RPAP2: variants seen among roughly 807,000 people sequenced by gnomAD.
RPAP2 encodes the protein RNA polymerase II associated protein 2.
RPAP2 carries 52 observed loss-of-function variants against 73.1 expected under a neutral mutation model. The observed-to-expected ratio is 0.71, with a 90% CI of 0.57 to 0.90. The LOEUF is 0.90. Ranked by LOEUF, RPAP2 falls within the 40% of genes least tolerant of loss-of-function variation. The pLI, the probability that RPAP2 is intolerant of heterozygous loss-of-function variation, is 0.00. For missense variants in RPAP2, 598 were observed against 701.8 expected (o/e 0.85, Z 1.67); for synonymous variants, 225 against 242.1 (o/e 0.93, Z 0.65).
intron 11 of RPAP2, among the ~76,000 whole-genome samples, chr1:92,361,114 CACATAT>C (rs1571124664): frequency 1.6e-5 from 1 of 62,156 alleles, no homozygotes; most frequent in East Asian, 1.1e-3. Flanking sequence ...CACACACACA[CACATAT>C]ATATATATAT....
intron 11 of RPAP2, among the ~76,000 whole-genome samples, chr1:92,369,353 A>G (rs1430122523): frequency 1.3e-5 from 2 of 152,220 alleles, no homozygotes; most frequent in Non-Finnish European, 2.9e-5. Context: ...GTACAGTGAC[A>G]TGATCATAGC....
In RPAP2 at chr1:92,338,149, C is replaced by T. The variant is rs947386834; in HGVS notation, c.1619+1722C>T. Among the ~76,000 whole-genome samples the T allele has an allele frequency of 9.2e-5, 14 of 152,066 alleles. No homozygotes were observed. In the South Asian group the frequency reaches 1.5e-3, roughly 16 times the overall value. Reference sequence around the variant, plus strand: ...AAACAAGCACATAAAGACATTTTTACTTCATTTTATCTAGGATGTTTATAT... The same window carrying T: ...AAACAAGCACATAAAGACATTTTTATTTCATTTTATCTAGGATGTTTATAT... On this transcript the variant is annotated intron_variant, in intron 10 of 12. Coordinates refer to ENST00000610020, the MANE Select transcript of RPAP2 (RefSeq NM_024813.3).
chr1:92,341,284 C>T (rs902568667), intron 10 of RPAP2, among the ~76,000 whole-genome samples: 5 of 152,150 alleles, frequency 3.3e-5, no homozygotes, highest in Non-Finnish European at 5.9e-5. Context: ...GCTGGTATTA[C>T]AGGCATGAGC....
rs11304679 is a variant in RPAP2, at chr1:92,346,169, G to GT, written c.1688+267dup. ...TACTATTTGTTTTCATCTCTTTTTT[G>GT]TTTTTTTTTTTTGAGACAGGGTCTC... On this transcript the variant is annotated intron_variant, in intron 11 of 12. Coordinates refer to ENST00000610020, the MANE Select transcript of RPAP2 (RefSeq NM_024813.3). Among the ~76,000 whole-genome samples the GT allele has an allele frequency of 8.7e-3, 1,214 of 140,294 alleles. 10 individuals carry two copies. Among genetic ancestry groups the GT allele is most frequent in the African/African-American group, 0.014 (555 of 38,706 alleles). 92.0% of individuals were successfully genotyped at this position (140,294 alleles called of 152,430 possible).
intron 11 of RPAP2, among the ~76,000 whole-genome samples, chr1:92,349,365 C>T (rs1317299502): frequency 1.3e-5 from 2 of 152,136 alleles, no homozygotes; most frequent in East Asian, 3.8e-4. Flanking sequence ...AAGCTGTTTT[C>T]AGAATTCCTC....
chr1:92,363,538 T>C (rs1255377343), intron 11 of RPAP2, among the ~76,000 whole-genome samples: 1 of 152,168 alleles, frequency 6.6e-6, no homozygotes, highest in African/African-American at 2.4e-5. Context: ...GGTTCTCTTC[T>C]AAGAGTACAG....
intron 10 of RPAP2, among the ~76,000 whole-genome samples, chr1:92,344,248 A>G (rs1387266657): frequency 6.6e-6 from 1 of 152,126 alleles, no homozygotes; most frequent in Non-Finnish European, 1.5e-5. Context: ...CACCTCTACA[A>G]AAATACAAAA....
At chr1:92,340,963 AT>A (rs1653559824) in intron 10 of RPAP2, among the ~76,000 whole-genome samples, 1 of 152,180 alleles carries the variant, frequency 6.6e-6, no homozygotes, top group African/African-American at 2.4e-5. Flanking sequence ...GAATCAAGGT[AT>A]TTCAATCTGT....
intron 7 of RPAP2, among the ~76,000 whole-genome samples, chr1:92,323,063 T>TCA (rs1652395103): frequency 6.8e-6 from 1 of 146,212 alleles, no homozygotes; most frequent in African/African-American, 2.5e-5. Context: ...TATATATACT[T>TCA]TATATATATA....
rs1275918697 is a variant in RPAP2 at position 92,345,229 on chromosome 1, A to G, written c.1620-617A>G. ...AAATTGCTTACCTTAAGCCAGACACAGCAGCATGTACCTGTCATCCCAGCT... is the reference window on the plus strand; with the variant it reads ...AAATTGCTTACCTTAAGCCAGACACGGCAGCATGTACCTGTCATCCCAGCT... On this transcript the variant is annotated intron_variant, in intron 10 of 12. Transcript: ENST00000610020. Among the ~76,000 whole-genome samples, 3 of 152,018 alleles carry G rather than the reference A, an allele frequency of 2.0e-5. No homozygotes were observed. In the South Asian group the frequency reaches 6.3e-4, roughly 32 times the overall value.
Position 92,323,704 on chromosome 1 carries a change from G to C in RPAP2, c.784G>C (p.Asp262His). 6.2e-7 allele frequency: 1 copy of C among 1,614,038 alleles called. No individual in the cohort carries two copies. Among genetic ancestry groups the C allele is most frequent in the African/African-American group, 1.3e-5 (1 of 75,034 alleles). ...TCACAAAGCTAACTCCAAACACAAA[G>C]ACAAAGAACAGACAGTAGTAGATGT... ...AGHKANSKHKDKEQTVVDVTE... is the reference protein window; with the variant it reads ...AGHKANSKHKHKEQTVVDVTE... The change falls in exon 8 of 13, where the codon GAC becomes CAC. Residue 262 changes from aspartate (D) to histidine (H), a missense_variant. By Grantham distance (81) the Asp-to-His change is moderately conservative. Transcript: ENST00000610020.
At chr1:92,304,235 C>A in intron 4 of RPAP2, 49 bp from the exon 5 acceptor site, 1 of 1,265,004 alleles carries the variant, frequency 7.9e-7, no homozygotes, top group South Asian at 1.3e-5. Flanking sequence ...ACATAACGTT[C>A]ATGTTTATTA....
rs754141169 is a variant in RPAP2 at position 92,392,285 on chromosome 1, C to T, written c.*5274C>T. The T allele has an allele frequency of 6.6e-6, 1 of 152,170 alleles. No homozygotes were observed. The highest frequency in any genetic ancestry group is 1.5e-5 in the Non-Finnish European group (1 of 68,038). 9.4% of individuals were successfully genotyped at this position (152,170 alleles called of 1,614,324 possible). ...TAAACAGAACCAACGGCAAAAACCA[C>T]ATGATTATCTCAATAGATACAAAAA... On this transcript the variant is annotated 3_prime_UTR_variant, in exon 13 of 13. Transcript: ENST00000610020.
intron 11 of RPAP2, among the ~76,000 whole-genome samples, chr1:92,368,428 G>A (rs572076606): frequency 7.9e-5 from 12 of 152,158 alleles, no homozygotes; most frequent in African/African-American, 1.7e-4. Context: ...TGTACTCCAC[G>A]AGATAAAAAA....
At chr1:92,345,762 A>T (rs1166067462) in intron 10 of RPAP2, 84 bp from the exon 11 acceptor site, 13 of 853,996 alleles carry the variant, frequency 1.5e-5, no homozygotes, top group Non-Finnish European at 2.4e-5. Context: ...TTGGCACATT[A>T]TTATAAATCT....
intron 12 of RPAP2, among the ~76,000 whole-genome samples, chr1:92,384,124 A>G (rs1196900045): frequency 6.6e-6 from 1 of 150,840 alleles, no homozygotes; most frequent in East Asian, 2.0e-4. Flanking sequence ...CGCCCAGCTA[A>G]TTTTTGTATT....
intron 11 of RPAP2, among the ~76,000 whole-genome samples, chr1:92,379,384 T>C (rs1002201552): frequency 1.3e-5 from 2 of 152,126 alleles, no homozygotes; most frequent in African/African-American, 4.8e-5. Flanking sequence ...CTGAGACGCA[T>C]ACTCTCTAGA....
chr1:92,394,834 T>TA lies in RPAP2; in HGVS notation c.*7827dup, dbSNP rs1454512694. 1 of 152,214 alleles carries TA rather than the reference T, an allele frequency of 6.6e-6. No individual in the cohort carries two copies. Among genetic ancestry groups the TA allele is most frequent in the Non-Finnish European group, 1.5e-5 (1 of 68,038 alleles). The allele number at this position is 152,214 out of a possible 1,614,324, so 9.4% of individuals were successfully genotyped here. A position where few individuals can be genotyped will look rare whatever the true frequency, so the allele number is the denominator to read the frequency against. On this transcript the variant is annotated 3_prime_UTR_variant, in exon 13 of 13. Transcript: ENST00000610020. ...TTTTGAAAAATTGACAAGCCAATCT[T>TA]AAAATCTGTATGAAAACATAAAGGA...
At position 92,367,218 on chromosome 1, in the gene RPAP2, T is replaced by TTAAG. The variant is rs559930112; in HGVS notation, c.1689-13504_1689-13501dup. ...TGCACCTAAAACACATTTGGGAAAA[T>TTAAG]TAAGTGTGATTTCCTCAAATATAAC... On this transcript the variant is annotated intron_variant, in intron 11 of 12. Coordinates refer to ENST00000610020, the MANE Select transcript of RPAP2 (RefSeq NM_024813.3). 2.3e-3 allele frequency among the ~76,000 whole-genome samples: 343 copies of TTAAG among 152,288 alleles called. 2 individuals are homozygous for TTAAG. Among genetic ancestry groups the TTAAG allele is most frequent in the Middle Eastern group, 0.02 (6 of 294 alleles).
Sources: allele counts gnomAD v4.1 joint callset (sites outside exome capture counted in the v4.1 genomes callset), GRCh38; gene constraint gnomAD v4.1.1; transcripts MANE v1.5; gene names NCBI Gene and HGNC (gene_info 2026-07-23, HGNC 2026-07-21).